Variants in CALN1 observed in about 807,000 individuals in gnomAD.
The protein encoded by CALN1 is calneuron 1, also known as calcium-binding protein 8.
In CALN1, 17 loss-of-function variants were observed where a neutral mutation model predicts 30.6. The observed-to-expected ratio is 0.56, with a 90% CI of 0.38 to 0.83. The LOEUF is 0.83. Among genes scored for constraint, CALN1 ranks in the 40% least tolerant of loss-of-function variants. The probability of loss-of-function intolerance (pLI) is 0.00; values close to 1 mark genes in which losing one functional copy is unlikely to be tolerated. For synonymous variants in CALN1, 156 were observed against 131.4 expected, an observed-to-expected ratio of 1.19 and a Z score of -1.28; for missense variants, 291 against 354.9, an observed-to-expected ratio of 0.82 and a Z score of 1.45.
At chr7:72,040,125 T>A (rs542975510) in intron 4 of CALN1, among the ~76,000 whole-genome samples, 1 of 152,126 alleles carries the variant, frequency 6.6e-6, no homozygotes, top group Non-Finnish European at 1.5e-5. Context: ...AGGAAAAAAT[T>A]CAACTATTTC....
chr7:71,826,513 G>C (rs897260743), intron 5 of CALN1, among the ~76,000 whole-genome samples: 2 of 152,142 alleles, frequency 1.3e-5, no homozygotes, highest in African/African-American at 4.8e-5. Flanking sequence ...TAGGGCTAGG[G>C]TGTCCCCAGT....
intron 5 of CALN1, among the ~76,000 whole-genome samples, chr7:71,985,646 G>A (rs1425165467): frequency 7.2e-6 from 1 of 139,116 alleles, no homozygotes; most frequent in East Asian, 2.3e-4. Context: ...CTGGAGTGCA[G>A]TGGCTCAGTA....
intron 4 of CALN1, among the ~76,000 whole-genome samples, chr7:72,042,087 TAA>T (rs1802166772): frequency 1.3e-5 from 2 of 152,208 alleles, no homozygotes; most frequent in African/African-American, 4.8e-5. Flanking sequence ...AGAATTTTTA[TAA>T]AAGGGACTTA....
At chr7:72,151,970 G>A (rs75926901) in intron 3 of CALN1, among the ~76,000 whole-genome samples, 34,129 of 146,556 alleles carry the variant, frequency 0.23, 4,905 homozygotes, top group East Asian at 0.68. Context: ...GTGCAGTGGC[G>A]TGATTTCGGC....
intron 4 of CALN1, among the ~76,000 whole-genome samples, chr7:72,031,236 G>T (rs1189756532): frequency 6.6e-6 from 1 of 152,118 alleles, no homozygotes; most frequent in East Asian, 1.9e-4. Context: ...GTGCTATGGC[G>T]ACCAGGTACA....
chr7:72,295,696 T>TTAC (rs1245128665), intron 2 of CALN1, among the ~76,000 whole-genome samples: 2 of 149,546 alleles, frequency 1.3e-5, no homozygotes, highest in Non-Finnish European at 3.0e-5. Context: ...ATGCTTGTGA[T>TTAC]TTTTGTACAT....
At chr7:72,029,171 G>T (rs1329868505) in intron 4 of CALN1, among the ~76,000 whole-genome samples, 2 of 151,722 alleles carry the variant, frequency 1.3e-5, no homozygotes, top group African/African-American at 2.4e-5. Flanking sequence ...CTGTTGCCCA[G>T]GCTGGAGTGC....
rs555325005 is a variant in CALN1 at position 72,285,043 on chromosome 7, A to G, written c.120-6233T>C. The stretch of plus-strand genomic sequence containing the variant: ...CAGGGCTTCTAAAGCAGTGCTACTC[A>G]AAGTGTGGTCTATAGACCACTGCAA... On this transcript the variant is annotated intron_variant, in intron 2 of 6. Coordinates refer to ENST00000395275, the MANE Select transcript of CALN1 (RefSeq NM_031468.4). Among the ~76,000 whole-genome samples the G allele has an allele frequency of 7.2e-5, 11 of 152,186 alleles. No individual in the cohort carries two copies. The South Asian group carries it at 1.2e-3, about 17-fold the overall frequency.
chr7:72,159,721 C>G (rs1408716848), intron 3 of CALN1, among the ~76,000 whole-genome samples: 13 of 152,130 alleles, frequency 8.5e-5, no homozygotes, highest in Non-Finnish European at 1.6e-4. Context: ...TGGCTTGAAC[C>G]TGGGAGGCAA....
chr7:72,451,272 G>T (rs1372335561), upstream of CALN1, among the ~76,000 whole-genome samples: 1 of 144,868 alleles, frequency 6.9e-6, no homozygotes, highest in African/African-American at 2.6e-5. Flanking sequence ...GGAGGAGAAG[G>T]AGGAAGAAGG....
At chr7:72,242,028 A>AAC (rs1794874773) in intron 3 of CALN1, among the ~76,000 whole-genome samples, 1 of 152,178 alleles carries the variant, frequency 6.6e-6, no homozygotes, top group Admixed American at 6.5e-5. Context: ...TGCACTTGTT[A>AAC]AACAACCCTA....
At position 71,855,281 on chromosome 7, in the gene CALN1, G is replaced by A. The variant is rs532718311; in HGVS notation, c.502-44789C>T. ...CAAGTCTGACTTACTAAATCAGGGG[G>A]AGTAGCTCAGGAGTCCGTGTTTCAT... On this transcript the variant is annotated intron_variant, in intron 5 of 6. Transcript: ENST00000395275. Among the ~76,000 whole-genome samples, 20 of 152,290 alleles carry A rather than the reference G, an allele frequency of 1.3e-4. No individual in the cohort carries two copies. The East Asian group carries it at 3.5e-3, about 27-fold the overall frequency.
intron 3 of CALN1, among the ~76,000 whole-genome samples, chr7:72,271,064 A>G (rs929948304): frequency 2.0e-5 from 3 of 152,246 alleles, no homozygotes; most frequent in South Asian, 2.1e-4. Context: ...GATGATTCCC[A>G]GATGACTGCT....
chr7:72,276,506 T>C (rs756129881), intron 3 of CALN1, among the ~76,000 whole-genome samples: 1 of 152,190 alleles, frequency 6.6e-6, no homozygotes, highest in African/African-American at 2.4e-5. Context: ...ATGGTTTGAA[T>C]GTCCCTTCCA....
intron 2 of CALN1, among the ~76,000 whole-genome samples, chr7:72,347,614 T>C (rs762157697): frequency 4.6e-5 from 7 of 151,982 alleles, no homozygotes; most frequent in African/African-American, 7.3e-5. Context: ...CACACACACA[T>C]ACACCTTTCA....
chr7:72,504,208 C>T, the CALN1 span, among the ~76,000 whole-genome samples: 1 of 152,268 alleles, frequency 6.6e-6, no homozygotes, highest in East Asian at 1.9e-4. Flanking sequence ...GCTTCATAGG[C>T]AATAAATCCC....
At chr7:72,378,036 G>A (rs370958567) in intron 2 of CALN1, among the ~76,000 whole-genome samples, 11 of 150,078 alleles carry the variant, frequency 7.3e-5, no homozygotes, top group African/African-American at 2.5e-4. Flanking sequence ...TGATTAGTCT[G>A]TTGTTTGCTT....
chr7:71,854,433 G>C (rs1269193483), intron 5 of CALN1, among the ~76,000 whole-genome samples: 1 of 152,082 alleles, frequency 6.6e-6, no homozygotes, highest in Non-Finnish European at 1.5e-5. Flanking sequence ...ATACAAAAGA[G>C]ATATCAATGA....
intron 3 of CALN1, among the ~76,000 whole-genome samples, chr7:72,177,166 A>G (rs1351542749): frequency 6.6e-6 from 1 of 152,154 alleles, no homozygotes; most frequent in Non-Finnish European, 1.5e-5. Flanking sequence ...CTGTGCATTC[A>G]TTCAATGAGC....
Sources: gnomAD v4.1 joint callset for allele counts (sites outside exome capture counted in the v4.1 genomes callset) on GRCh38, gnomAD v4.1.1 for gene constraint, MANE v1.5 for transcripts, NCBI Gene and HGNC (gene_info 2026-07-23, HGNC 2026-07-21) for gene names.